The following ZFHX3 variants were observed in gnomAD, a reference collection of about 807,000 sequenced individuals.
The protein encoded by ZFHX3 is zinc finger homeobox 3.
A neutral mutation model predicts 279.1 loss-of-function variants in ZFHX3; 42 were observed. The observed-to-expected ratio is 0.15, with a 90% CI of 0.12 to 0.19. The LOEUF is 0.19. Ranked by LOEUF, ZFHX3 falls within the 10% of genes least tolerant of loss-of-function variation. ZFHX3 has a pLI of 1.00. For missense variants in ZFHX3, 4,981 were observed against 4,754.0 expected, an observed-to-expected ratio of 1.05 and a Z score of -1.40; for synonymous variants, 2,293 against 1,957.8, an observed-to-expected ratio of 1.17 and a Z score of -4.52.
intron 4 of ZFHX3, among the ~76,000 whole-genome samples, chr16:72,868,152 T>A (rs551635715): frequency 6.6e-6 from 1 of 152,322 alleles, no homozygotes; most frequent in Non-Finnish European, 1.5e-5. Context: ...AAGTAATACA[T>A]AAATGTAATT....
intron 2 of ZFHX3, among the ~76,000 whole-genome samples, chr16:73,567,617 C>T (rs548537424): frequency 6.6e-6 from 1 of 152,340 alleles, no homozygotes; most frequent in African/African-American, 2.4e-5. Context: ...CATACTCAAC[C>T]TCCATGTGAA....
At chr16:73,308,850 A>T (rs894594287) in intron 4 of ZFHX3, among the ~76,000 whole-genome samples, 9 of 150,084 alleles carry the variant, frequency 6.0e-5, no homozygotes, top group Middle Eastern at 3.5e-3. Context: ...ATTAAAATAT[A>T]TCTTAAAAAT....
At chr16:73,754,873 C>T (rs1195166760) in intron 1 of ZFHX3, among the ~76,000 whole-genome samples, 2 of 152,152 alleles carry the variant, frequency 1.3e-5, no homozygotes, top group Non-Finnish European at 2.9e-5. Flanking sequence ...GCAAATTTCA[C>T]CGATTTCTCA....
intron 4 of ZFHX3, among the ~76,000 whole-genome samples, chr16:72,835,185 G>A (rs187425884): frequency 2.6e-5 from 4 of 152,286 alleles, no homozygotes; most frequent in Admixed American, 2.0e-4. Flanking sequence ...AATAAAGTGC[G>A]TTTGCCTGTC....
intron 1 of ZFHX3, among the ~76,000 whole-genome samples, chr16:73,755,521 G>C (rs2053800359): frequency 1.3e-5 from 2 of 152,116 alleles, no homozygotes; most frequent in African/African-American, 4.8e-5. Flanking sequence ...AATCCTACAA[G>C]AACTTATTAG....
intron 1 of ZFHX3, among the ~76,000 whole-genome samples, chr16:73,010,881 T>G (rs1026796005): frequency 2.6e-5 from 4 of 152,320 alleles, no homozygotes; most frequent in South Asian, 4.1e-4. Flanking sequence ...CATAGTTCAC[T>G]GCAGCCTCGA....
chr16:73,033,075 G>T (rs1487518372), intron 1 of ZFHX3, among the ~76,000 whole-genome samples: 1 of 152,112 alleles, frequency 6.6e-6, no homozygotes, highest in Non-Finnish European at 1.5e-5. Flanking sequence ...CCAAGCCTGG[G>T]CCCTCCTTGA....
At chr16:73,104,982 A>C (rs573131433) in intron 7 of ZFHX3, among the ~76,000 whole-genome samples, 1 of 152,312 alleles carries the variant, frequency 6.6e-6, no homozygotes, top group Admixed American at 6.5e-5. Flanking sequence ...GAGAAGAAGA[A>C]GTGATGCAAG....
At chr16:73,196,902 T>C (rs920855655) in intron 5 of ZFHX3, among the ~76,000 whole-genome samples, 3 of 152,162 alleles carry the variant, frequency 2.0e-5, no homozygotes, top group South Asian at 2.1e-4. Flanking sequence ...GGACTCTTGA[T>C]GGTAGGCGTT....
At chr16:73,732,692 T>A (rs1021136385) in intron 1 of ZFHX3, among the ~76,000 whole-genome samples, 5 of 152,256 alleles carry the variant, frequency 3.3e-5, no homozygotes, top group Non-Finnish European at 5.9e-5. Flanking sequence ...GTATCTCTTT[T>A]CTAGACCCTT....
chr16:73,526,543 C>T (rs1345907297), intron 2 of ZFHX3, among the ~76,000 whole-genome samples: 2 of 152,222 alleles, frequency 1.3e-5, no homozygotes, highest in Middle Eastern at 3.2e-3. Flanking sequence ...CAAAATGACC[C>T]AGGCCCTGGC....
intron 1 of ZFHX3, among the ~76,000 whole-genome samples, chr16:73,689,931 T>G (rs1399426277): frequency 1.3e-5 from 2 of 152,080 alleles, no homozygotes; most frequent in Admixed American, 1.3e-4. Context: ...GCAACTCTCT[T>G]GCCTCAGCCT....
intron 1 of ZFHX3, among the ~76,000 whole-genome samples, chr16:72,961,189 C>G (rs1311135707): frequency 6.6e-6 from 1 of 152,164 alleles, no homozygotes; most frequent in Non-Finnish European, 1.5e-5. Context: ...TATCAAGGAT[C>G]TGAGCAGCAA....
intron 2 of ZFHX3, among the ~76,000 whole-genome samples, chr16:73,532,802 T>G (rs2432546): frequency 0.66 from 99,980 of 152,074 alleles, 33,089 homozygotes; most frequent in East Asian, 0.77. Flanking sequence ...AATTGAATCA[T>G]GGAGGCAGTT....
intron 1 of ZFHX3, among the ~76,000 whole-genome samples, chr16:72,996,107 AACACACACACAC>A (rs10550323): frequency 1.4e-5 from 2 of 146,984 alleles, no homozygotes; most frequent in South Asian, 2.2e-4. Context: ...GTCTCTACTA[AACACACACACAC>A]ACACACACAC....
At chr16:73,145,884 G>A (rs942328787) in intron 5 of ZFHX3, among the ~76,000 whole-genome samples, 10 of 152,210 alleles carry the variant, frequency 6.6e-5, no homozygotes, top group African/African-American at 1.4e-4. Flanking sequence ...ATAAAAAGAA[G>A]GCAATCAATG....
chr16:73,288,282 G>A lies in ZFHX3; in HGVS notation c.-1194+29958C>T, dbSNP rs546422175. Reference sequence around the variant, plus strand: ...AGAATTATTTCTCAAATAAAAATCCGGCCAGGGGATTGCAGGCTCCCAGTC... The same window carrying A: ...AGAATTATTTCTCAAATAAAAATCCAGCCAGGGGATTGCAGGCTCCCAGTC... On this transcript the variant is annotated intron_variant, in intron 4 of 17. Transcript: ENST00000641206. Among the ~76,000 whole-genome samples the A allele has an allele frequency of 3.3e-5, 5 of 152,204 alleles. No individual in the cohort carries two copies. In the East Asian group the frequency reaches 7.7e-4, roughly 24 times the overall value.
intron 5 of ZFHX3, among the ~76,000 whole-genome samples, chr16:73,248,582 T>C (rs926134366): frequency 1.3e-5 from 2 of 151,740 alleles, no homozygotes; most frequent in Admixed American, 6.6e-5. Flanking sequence ...TGTGTGTATA[T>C]GTGCATGTGT....
At position 73,532,316 on chromosome 16, in the gene ZFHX3, G is replaced by A. The variant is rs186098812; in HGVS notation, c.-1546-76058C>T. Among the ~76,000 whole-genome samples, 498 of 152,178 alleles carry A rather than the reference G, an allele frequency of 3.3e-3. 2 individuals are homozygous for A. Among genetic ancestry groups the A allele is most frequent in the Non-Finnish European group, 5.0e-3 (341 of 68,008 alleles). On this transcript the variant is annotated intron_variant, in intron 2 of 17. Transcript: ENST00000641206. ...GGTTTTATATGGGGAGACCCTTTTC[G>A]TTTGGCTCTCATTCTCTCTTTGCCT...
Sources: allele counts gnomAD v4.1 joint callset (sites outside exome capture counted in the v4.1 genomes callset), GRCh38; gene constraint gnomAD v4.1.1; transcripts MANE v1.5; gene names NCBI Gene and HGNC (gene_info 2026-07-23, HGNC 2026-07-21).